The following RGS7 variants were observed in gnomAD, a reference collection of about 807,000 sequenced individuals.
The protein encoded by RGS7 is regulator of G-protein signaling 7.
A neutral mutation model predicts 81.1 loss-of-function variants in RGS7; 27 were observed. That is an observed-to-expected ratio of 0.33 (90% CI 0.25 to 0.46). The LOEUF (loss-of-function observed/expected upper bound fraction) is 0.46. Among genes scored for constraint, RGS7 ranks in the 20% least tolerant of loss-of-function variants. The pLI is 1.00. For synonymous variants in RGS7, 208 were observed against 207.7 expected (o/e 1.00, Z -0.01); for missense variants, 396 against 607.4 (o/e 0.65, Z 3.66).
At chr1:241,302,334 G>T (rs573559148) in intron 2 of RGS7, among the ~76,000 whole-genome samples, 6 of 152,278 alleles carry the variant, frequency 3.9e-5, no homozygotes, top group African/African-American at 1.4e-4. Flanking sequence ...TGGATCATGA[G>T]GTCAGGAGAT....
At chr1:240,874,803 G>T (rs1665087422) in intron 6 of RGS7, among the ~76,000 whole-genome samples, 1 of 152,126 alleles carries the variant, frequency 6.6e-6, no homozygotes, top group Non-Finnish European at 1.5e-5. Context: ...CAGTTTGGGA[G>T]GCTGAGGTGG....
At chr1:241,003,460 C>CA (rs554768415) in intron 3 of RGS7, among the ~76,000 whole-genome samples, 1,667 of 83,146 alleles carry the variant, frequency 0.02, 55 homozygotes, top group African/African-American at 0.06. Flanking sequence ...GACTCCGTCT[C>CA]AAAAAAAAAA....
chr1:241,084,372 C>A (rs2063314629), intron 3 of RGS7, among the ~76,000 whole-genome samples: 1 of 151,890 alleles, frequency 6.6e-6, no homozygotes, highest in East Asian at 1.9e-4. Context: ...GTTAGAGGAC[C>A]AAAATAGTAA....
chr1:240,792,700 C>T (rs2103016272), intron 18 of RGS7, among the ~76,000 whole-genome samples: 1 of 152,304 alleles, frequency 6.6e-6, no homozygotes, highest in Non-Finnish European at 1.5e-5. Context: ...AAAGCCAAAT[C>T]TGTTCACTGA....
chr1:240,948,408 G>C (rs1441243022), intron 4 of RGS7, among the ~76,000 whole-genome samples: 1 of 152,080 alleles, frequency 6.6e-6, no homozygotes, highest in Non-Finnish European at 1.5e-5. Flanking sequence ...AAATAGGGGA[G>C]CCAAAAGACG....
At chr1:241,081,533 T>C (rs1198363867) in intron 3 of RGS7, among the ~76,000 whole-genome samples, 12 of 152,218 alleles carry the variant, frequency 7.9e-5, no homozygotes, top group Non-Finnish European at 1.3e-4. Context: ...CTAAATAAAG[T>C]ACATCGATTT....
chr1:240,933,592 G>T (rs1177433953), intron 5 of RGS7, among the ~76,000 whole-genome samples: 2 of 150,838 alleles, frequency 1.3e-5, no homozygotes, highest in Non-Finnish European at 3.0e-5. Flanking sequence ...GTTTTTTTTG[G>T]AATTTAAATA....
intron 2 of RGS7, among the ~76,000 whole-genome samples, chr1:241,196,991 T>TAAAAAAAA (rs34557484): frequency 2.3e-5 from 3 of 132,592 alleles, no homozygotes; most frequent in Non-Finnish European, 4.7e-5. Context: ...CAAAAGAATG[T>TAAAAAAAA]AAAAAAAAAA....
chr1:240,901,178 C>T (rs949303594), intron 6 of RGS7, among the ~76,000 whole-genome samples: 4 of 152,136 alleles, frequency 2.6e-5, no homozygotes, highest in African/African-American at 9.7e-5. Context: ...CCCGATTTTC[C>T]AGGTACTGTC....
chr1:241,245,110 AAAAG>A (rs1389157482), intron 2 of RGS7, among the ~76,000 whole-genome samples: 1 of 152,290 alleles, frequency 6.6e-6, no homozygotes, highest in East Asian at 1.9e-4. Context: ...ATAATAATAA[AAAAG>A]AAAGAAAGTT....
intron 6 of RGS7, among the ~76,000 whole-genome samples, chr1:240,926,963 A>G (rs1172861998): frequency 1.3e-5 from 2 of 152,208 alleles, no homozygotes; most frequent in Non-Finnish European, 2.9e-5. Context: ...CAACTGATCT[A>G]TTGAGGCTTA....
At chr1:241,001,512 C>T (rs1003073276) in intron 3 of RGS7, among the ~76,000 whole-genome samples, 1 of 151,788 alleles carries the variant, frequency 6.6e-6, no homozygotes, top group African/African-American at 2.4e-5. Flanking sequence ...TTAAAAATTT[C>T]TATACAGAAA....
intron 2 of RGS7, among the ~76,000 whole-genome samples, chr1:241,154,371 G>A (rs904384297): frequency 6.6e-6 from 1 of 152,170 alleles, no homozygotes; most frequent in Non-Finnish European, 1.5e-5. Flanking sequence ...GAGGGGAAAC[G>A]TGTTTGGCTG....
intron 5 of RGS7, among the ~76,000 whole-genome samples, chr1:240,934,301 G>T (rs1035902356): frequency 2.0e-5 from 3 of 152,104 alleles, no homozygotes; most frequent in Non-Finnish European, 4.4e-5. Flanking sequence ...ATTCACTGGA[G>T]GATTTGTAAA....
chr1:240,982,672 G>T (rs181972073), intron 4 of RGS7, among the ~76,000 whole-genome samples: 1 of 152,000 alleles, frequency 6.6e-6, no homozygotes, highest in Non-Finnish European at 1.5e-5. Flanking sequence ...ATAAAATACT[G>T]ATTTCAAACT....
chr1:241,156,617 G>A (rs1490585166), intron 2 of RGS7, among the ~76,000 whole-genome samples: 7 of 149,998 alleles, frequency 4.7e-5, no homozygotes, highest in East Asian at 2.0e-4. Flanking sequence ...GAGGGGAGGG[G>A]AAATCCCTTC....
chr1:241,004,830 A>G (rs6669640), intron 3 of RGS7, among the ~76,000 whole-genome samples: 52,753 of 151,952 alleles, frequency 0.35, 9,250 homozygotes, highest in Admixed American at 0.4. Flanking sequence ...CTTCTTTATG[A>G]CTACTTTTAC....
chr1:240,975,039 C>T (rs1683851029), intron 4 of RGS7, among the ~76,000 whole-genome samples: 1 of 152,000 alleles, frequency 6.6e-6, no homozygotes, highest in African/African-American at 2.4e-5. Context: ...TCAAGGAATG[C>T]TGAAAACTCA....
chr1:241,212,644 G>C lies in RGS7; in HGVS notation c.79-113882C>G, dbSNP rs529746302. ...CTGAATAAGAATCTCAGGGACCTTG[G>C]ATATCATTCAGACCCATCTCTCATT... On this transcript the variant is annotated intron_variant, in intron 2 of 18. Transcript: ENST00000440928. Among the ~76,000 whole-genome samples the C allele has an allele frequency of 7.2e-5, 11 of 152,250 alleles. No individual in the cohort carries two copies. In the South Asian group the frequency reaches 2.1e-3, roughly 29 times the overall value.
Sources: allele counts gnomAD v4.1 joint callset (sites outside exome capture counted in the v4.1 genomes callset), GRCh38; gene constraint gnomAD v4.1.1; transcripts MANE v1.5; gene names NCBI Gene and HGNC (gene_info 2026-07-23, HGNC 2026-07-21).